The following EML3 variants were observed in gnomAD, a reference collection of about 807,000 sequenced individuals.
EML3 encodes the protein EMAP like 3, also known as echinoderm microtubule-associated protein-like 3.
A neutral mutation model predicts 106.7 loss-of-function variants in EML3; 53 were observed. The observed-to-expected ratio is 0.50, with a 90% confidence interval of 0.40 to 0.62. The LOEUF is 0.62. EML3 is among the 20% of genes least tolerant of loss of function. EML3 has a pLI of 0.00. For missense variants in EML3, 994 were observed against 1,209.1 expected (o/e 0.82, Z 2.64); for synonymous variants, 499 against 489.6 (o/e 1.02, Z -0.25).
Position 62,602,756 on chromosome 11 carries a change from C to T in EML3, c.2487+3G>A, listed in dbSNP as rs756044803. 1 of 1,611,050 alleles carries T rather than the reference C, an allele frequency of 6.2e-7. No homozygotes were observed. The highest frequency in any genetic ancestry group is 1.7e-5 in the Admixed American group (1 of 59,936). On this transcript the variant is annotated splice_donor_region_variant and intron_variant, in intron 21 of 21. Coordinates refer to ENST00000394773, the MANE Select transcript of EML3 (RefSeq NM_153265.3). Reference sequence around the variant, plus strand: ...CCCACCCCGGCGATCCCCGCGGCCTCACCTTGGCACGAGCGCACGGGTACT... The same window carrying T: ...CCCACCCCGGCGATCCCCGCGGCCTTACCTTGGCACGAGCGCACGGGTACT...
rs749491192 is a variant in EML3, at chr11:62,608,196, C to T, written c.1206+5G>A. 6.2e-7 allele frequency: 1 copy of T among 1,613,928 alleles called. No homozygotes were observed. Among genetic ancestry groups the T allele is most frequent in the East Asian group, 2.2e-5 (1 of 44,868 alleles). ...GAGCCCCTCCAAGCCACATGGACTCCTCACCTTGATCTCAGCCAGCTTCAT... is the reference window on the plus strand; with the variant it reads ...GAGCCCCTCCAAGCCACATGGACTCTTCACCTTGATCTCAGCCAGCTTCAT... On this transcript the variant is annotated splice_donor_5th_base_variant and intron_variant, in intron 10 of 21. Coordinates refer to ENST00000394773, the MANE Select transcript of EML3 (RefSeq NM_153265.3).
chr11:62,610,711 G>T (rs1158740153), intron 4 of EML3, among the ~76,000 whole-genome samples, 168 bp downstream of exon 4: 1 of 152,188 alleles, frequency 6.6e-6, no homozygotes, highest in South Asian at 2.1e-4. Flanking sequence ...GGAGGTCGAG[G>T]GTTTAGCACA....
Position 62,602,540 on chromosome 11 carries a change from C to T in EML3, c.2626G>A (p.Gly876Arg). The T allele has an allele frequency of 6.7e-7, 1 of 1,490,026 alleles. No individual in the cohort carries two copies. Among genetic ancestry groups the T allele is most frequent in the Non-Finnish European group, 8.9e-7 (1 of 1,120,994 alleles). The allele number at this position is 1,490,026 out of a possible 1,614,324, so 92.3% of individuals were successfully genotyped here. A position where few individuals can be genotyped will look rare whatever the true frequency, so the allele number is the denominator to read the frequency against. ...CGAGAGGGCGTGGCGGGCGCCGGCC[C>T]CGCGCCCCCAGCGCCCAGCACTCGC... ...QWRVLGAGGA[G>R]PAPATPSRTP... The change falls in exon 22 of 22, where the codon GGG becomes AGG. Residue 876 changes from glycine to arginine, a missense_variant. Gly to Arg is a moderately radical substitution (Grantham distance 125). Around this residue, in one of 3 missense-constraint regions of EML3, gnomAD observed 713 missense variants for 920.5 expected, o/e 0.77. Coordinates refer to ENST00000394773, the MANE Select transcript of EML3 (RefSeq NM_153265.3).
At chr11:62,608,467 A>G in intron 9 of EML3, 75 bp downstream of exon 9, 1 of 1,503,836 alleles carries the variant, frequency 6.6e-7, no homozygotes, top group Non-Finnish European at 9.2e-7. Flanking sequence ...CAGAACTTCC[A>G]AGGCTTCCTG....
chr11:62,604,867 T>C (rs1942434575), intron 16 of EML3: 3 of 372,460 alleles, frequency 8.1e-6, no homozygotes, highest in East Asian at 5.3e-5. Context: ...TGTTTCTCTA[T>C]CCTGGGCTGC....
intron 7 of EML3, 39 bp downstream of exon 7, chr11:62,608,923 C>T: frequency 6.2e-7 from 1 of 1,609,414 alleles, no homozygotes; most frequent in Non-Finnish European, 8.5e-7. Context: ...TCCCCCCAGA[C>T]CCTCTTCCTG....
chr11:62,612,071 T>A, intron 1 of EML3: 2 of 398,486 alleles, frequency 5.0e-6, no homozygotes, highest in Non-Finnish European at 4.5e-6. Flanking sequence ...AGAAAAGAGA[T>A]CCAGAGTGAC....
At position 62,602,478 on chromosome 11, in the gene EML3, AACGTCG is replaced by A. The variant is rs1435168019; in HGVS notation, c.2682_2687del (p.Asp895_Val896del). ...AGTCGGTCCCGCCAGGCAGCGATCA[AACGTCG>A]AGGGAGGAGGCGGGGGACAGGGAGG... On this transcript the variant is annotated inframe_deletion, in exon 22 of 22. Coordinates refer to ENST00000394773, the MANE Select transcript of EML3 (RefSeq NM_153265.3). 1.9e-6 allele frequency: 3 copies of A among 1,539,088 alleles called. No homozygotes were observed. In the East Asian group the frequency reaches 7.4e-5, roughly 38 times the overall value.
At chr11:62,607,907 T>C (rs1003632152) in intron 10 of EML3, 86 bp from the exon 11 acceptor site, 16 of 1,509,032 alleles carry the variant, frequency 1.1e-5, no homozygotes, top group Non-Finnish European at 1.4e-5. Context: ...TCATGACAGC[T>C]GGCTGGCAGA....
rs757984603 is a variant in EML3 at position 62,611,167 on chromosome 11, C to T, written c.372G>A (p.Gly124=). 15 of 1,604,728 alleles carry T rather than the reference C, an allele frequency of 9.3e-6. No homozygotes were observed. In the South Asian group the frequency reaches 1.4e-4, roughly 15 times the overall value. The change falls in exon 3 of 22, where the codon GGG becomes GGA. Residue 124 remains glycine, a synonymous_variant. Coordinates refer to ENST00000394773, the MANE Select transcript of EML3 (RefSeq NM_153265.3). ...AGCCAGCACCACTGCTGCTGCTGCC[C>T]CCTCCTTCAGATTGGGTCCCGCTAG... ...EEPSGTQSEG[G]GSSSSGAGSP... is the part of the protein sequence containing the mutation.
chr11:62,608,438 G>T, intron 9 of EML3, 104 bp downstream of exon 9: 1 of 1,370,946 alleles, frequency 7.3e-7, no homozygotes, highest in Non-Finnish European at 1.0e-6. Context: ...AGAACCAGCT[G>T]GGTGGGGTTC....
rs765670499 is a variant in EML3 at position 62,604,034 on chromosome 11, C to A, written c.2079G>T (p.Leu693Phe). Residue 693 changes from leucine (L) to phenylalanine (F), a missense_variant, in exon 18 of 22, where the codon TTG becomes TTT. By Grantham distance (22) the Leu-to-Phe change is conservative. This residue lies in a region of EML3 where 713 missense variants were observed against 920.5 expected (regional missense o/e 0.77). Coordinates refer to ENST00000394773, the MANE Select transcript of EML3 (RefSeq NM_153265.3). Reference protein sequence around the residue: ...LSVVRYSPDGLYLAIGSHDNV... With the variant: ...LSVVRYSPDGFYLAIGSHDNV... ...TGTCATGGGAACCAATGGCCAGGTA[C>A]AACCCATCTGCAAATACAGTCACTC... 26 of 1,614,130 alleles carry A rather than the reference C, an allele frequency of 1.6e-5. No individual in the cohort carries two copies. In the Admixed American group the frequency reaches 4.3e-4, roughly 27 times the overall value.
intron 1 of EML3, chr11:62,612,102 A>G: frequency 2.2e-6 from 1 of 455,372 alleles, no homozygotes; most frequent in Non-Finnish European, 3.9e-6. Context: ...GTGAGTGGTG[A>G]GCAGAGTCAC....
At chr11:62,610,742 GC>G (rs1451797877) in intron 4 of EML3, 136 bp downstream of exon 4, 3 of 707,554 alleles carry the variant, frequency 4.2e-6, no homozygotes, top group Non-Finnish European at 7.0e-6. Context: ...CACAGCAGGC[GC>G]CCCAGAAGTG....
Position 62,602,656 on chromosome 11 carries a change from C to A in EML3, c.2510G>T (p.Gly837Val), listed in dbSNP as rs1463599009. Reference protein sequence around the residue: ...RAKAPSRMYGGHGSHVTSVRF... With the variant: ...RAKAPSRMYGVHGSHVTSVRF... ...GACGCTGGTCACGTGGCTGCCGTGG[C>A]CCCCGTACATGCGGCTCGGCGCCTG... The change falls in exon 22 of 22, where the codon GGC becomes GTC. Residue 837 changes from glycine to valine, a missense_variant. Physicochemically the swap from Gly to Val is moderately radical, Grantham distance 109. This residue lies in a region of EML3 where 713 missense variants were observed against 920.5 expected (regional missense o/e 0.77). Coordinates refer to ENST00000394773, the MANE Select transcript of EML3 (RefSeq NM_153265.3). 1 of 1,595,990 alleles carries A rather than the reference C, an allele frequency of 6.3e-7. No individual in the cohort carries two copies. The highest frequency in any genetic ancestry group is 1.1e-5 in the South Asian group (1 of 89,448).
At position 62,605,544 on chromosome 11, in the gene EML3, A is replaced by G; in HGVS notation, c.1914+98T>C. The G allele has an allele frequency of 6.9e-7, 1 of 1,455,688 alleles. No individual in the cohort carries two copies. The allele number at this position is 1,455,688 out of a possible 1,614,324, so 90.2% of individuals were successfully genotyped here. ...GCAGCCATACCAGTACAAACTGGCCACCTCTGGGAGGCAGAAGGCAAGGTG... is the reference window on the plus strand; with the variant it reads ...GCAGCCATACCAGTACAAACTGGCCGCCTCTGGGAGGCAGAAGGCAAGGTG... On this transcript the variant is annotated intron_variant, in intron 15 of 21. Transcript: ENST00000394773. The surrounding 1 kb of genome is among the most constrained non-coding windows in gnomAD (Gnocchi z 5.2).
Position 62,605,503 on chromosome 11 carries a change from T to G in EML3, c.1914+139A>C. The G allele has an allele frequency of 8.2e-7, 1 of 1,213,254 alleles. No homozygotes were observed. Among genetic ancestry groups the G allele is most frequent in the Non-Finnish European group, 1.1e-6 (1 of 885,480 alleles). 75.2% of individuals were successfully genotyped at this position (1,213,254 alleles called of 1,614,324 possible). A position where few individuals can be genotyped will look rare whatever the true frequency, so the allele number is the denominator to read the frequency against. On this transcript the variant is annotated intron_variant, in intron 15 of 21. Transcript: ENST00000394773. The surrounding 1 kb of genome is among the most constrained non-coding windows in gnomAD (Gnocchi z 5.2). ...TTACCAGTCAGTACAGAAAAATTAA[T>G]ATTTGAGTAGCCAGTGCAGCCATAC...
chr11:62,612,381 C>A, intron 1 of EML3, 55 bp downstream of exon 1: 1 of 1,487,522 alleles, frequency 6.7e-7, no homozygotes. Context: ...TGGCATAACC[C>A]GACGAGCCGG....
intron 12 of EML3, 130 bp downstream of exon 12, chr11:62,606,828 G>A: frequency 7.4e-6 from 8 of 1,082,040 alleles, no homozygotes; most frequent in Non-Finnish European, 1.0e-5. Context: ...CTGCAATCCA[G>A]CCTGGGCAAC....
Sources: gnomAD v4.1 joint callset for allele counts (sites outside exome capture counted in the v4.1 genomes callset) on GRCh38, gnomAD v4.1.1 for gene constraint, gnomAD v4.1.1 regional missense constraint, Gnocchi (gnomAD v3.1) non-coding constraint, MANE v1.5 for transcripts, NCBI Gene and HGNC (gene_info 2026-07-23, HGNC 2026-07-21) for gene names.